Variants in STX8 observed in about 807,000 individuals in gnomAD.
The protein encoded by STX8 is syntaxin-8.
Under a neutral mutation model 37.5 loss-of-function variants are expected in STX8, and 23 were observed. The observed-to-expected ratio is 0.61, with a 90% CI of 0.44 to 0.87. STX8 has a LOEUF of 0.87. STX8 is among the 40% of genes least tolerant of loss of function. STX8 has a pLI of 0.00. For missense variants in STX8, 313 were observed against 284.7 expected, an observed-to-expected ratio of 1.10 and a Z score of -0.71; for synonymous variants, 115 against 99.1, an observed-to-expected ratio of 1.16 and a Z score of -0.95.
chr17:9,339,803 C>T (rs1384252638), intron 7 of STX8, among the ~76,000 whole-genome samples: 1 of 152,150 alleles, frequency 6.6e-6, no homozygotes, highest in Non-Finnish European at 1.5e-5. Context: ...TCAAACTTTC[C>T]CACAGAATTG....
At chr17:9,402,959 C>T (rs984917802) in intron 6 of STX8, among the ~76,000 whole-genome samples, 2 of 152,196 alleles carry the variant, frequency 1.3e-5, no homozygotes, top group Non-Finnish European at 2.9e-5. Flanking sequence ...CAGAGCTTCA[C>T]GAATTCATAG....
At chr17:9,443,587 T>C (rs1904738602) in intron 6 of STX8, among the ~76,000 whole-genome samples, 1 of 152,114 alleles carries the variant, frequency 6.6e-6, no homozygotes, top group South Asian at 2.1e-4. Flanking sequence ...AGCCACTCCC[T>C]TGAGCCACAG....
chr17:9,492,030 A>ATTGGGAATGAATTGGATG, intron 5 of STX8, 109 bp from the exon 6 acceptor site: 1 of 690,630 alleles, frequency 1.4e-6, no homozygotes. Context: ...CAGTCAGGAA[A>ATTGGGAATGAATTGGATG]AAAAAGAGAA....
chr17:9,310,671 C>T (rs1192903339), intron 7 of STX8, among the ~76,000 whole-genome samples: 2 of 151,918 alleles, frequency 1.3e-5, no homozygotes, highest in African/African-American at 4.8e-5. Context: ...GGGTGGTCCA[C>T]GGAGATCTGT....
chr17:9,323,674 T>G (rs1353941154), intron 7 of STX8, among the ~76,000 whole-genome samples: 6 of 151,254 alleles, frequency 4.0e-5, no homozygotes, highest in Non-Finnish European at 7.4e-5. Context: ...GGAGAAAAAA[T>G]GAAGAGAAGA....
chr17:9,543,848 G>C (rs562315218), intron 4 of STX8, among the ~76,000 whole-genome samples: 1 of 152,172 alleles, frequency 6.6e-6, no homozygotes, highest in East Asian at 1.9e-4. Flanking sequence ...CTTCACAGAA[G>C]CAACTTAACA....
At chr17:9,499,088 C>G (rs1026669064) in intron 5 of STX8, among the ~76,000 whole-genome samples, 1 of 152,328 alleles carries the variant, frequency 6.6e-6, no homozygotes, top group African/African-American at 2.4e-5. Context: ...AAGGCATTCC[C>G]TGCCCTTCAG....
intron 6 of STX8, chr17:9,467,426 C>T (rs1905663382): frequency 1.3e-5 from 2 of 152,202 alleles, no homozygotes; most frequent in African/African-American, 4.8e-5. Context: ...CCAGTCTCCC[C>T]TGGGTTAAGG....
At chr17:9,524,563 T>G (rs974029062) in intron 4 of STX8, among the ~76,000 whole-genome samples, 1 of 152,132 alleles carries the variant, frequency 6.6e-6, no homozygotes, top group Admixed American at 6.5e-5. Flanking sequence ...TTCTAACATA[T>G]GAATCTTGGG....
intron 1 of STX8, among the ~76,000 whole-genome samples, chr17:9,572,449 GC>G (rs1907721429): frequency 6.6e-6 from 1 of 152,072 alleles, no homozygotes; most frequent in South Asian, 2.1e-4. Flanking sequence ...TCGCTCTGTC[GC>G]CCAGGCTGAA....
intron 4 of STX8, among the ~76,000 whole-genome samples, chr17:9,510,365 C>A (rs1904985009): frequency 6.6e-6 from 1 of 152,070 alleles, no homozygotes; most frequent in African/African-American, 2.4e-5. Flanking sequence ...ATGGACTGAC[C>A]ATATGTTAGG....
chr17:9,537,424 T>C (rs1372507673), intron 4 of STX8, among the ~76,000 whole-genome samples: 4 of 152,218 alleles, frequency 2.6e-5, no homozygotes, highest in African/African-American at 4.8e-5. Context: ...ACGCACGCCT[T>C]GTGTCATGAG....
rs907304531 is a variant in STX8, at chr17:9,468,194, C to T, written c.541+23635G>A. On this transcript the variant is annotated intron_variant, in intron 6 of 7. Coordinates refer to ENST00000306357, the MANE Select transcript of STX8 (RefSeq NM_004853.3). The stretch of plus-strand genomic sequence containing the variant: ...GCACCATCTCGGCTCACTGCAACCT[C>T]TGCCTCACGGGTTCAAGCAATTCTC... Among the ~76,000 whole-genome samples the T allele has an allele frequency of 3.3e-5, 5 of 152,246 alleles. No homozygotes were observed. In the East Asian group the frequency reaches 9.7e-4, roughly 29 times the overall value.
chr17:9,435,611 T>C (rs1230855300), intron 6 of STX8, among the ~76,000 whole-genome samples: 1 of 152,118 alleles, frequency 6.6e-6, no homozygotes, highest in Non-Finnish European at 1.5e-5. Flanking sequence ...ATAGAAGATA[T>C]ATGTGGAATT....
intron 6 of STX8, chr17:9,470,156 ATGCT>A (rs753586624): frequency 6.6e-6 from 1 of 152,232 alleles, no homozygotes; most frequent in Non-Finnish European, 1.5e-5. Context: ...TGCATTCAAA[ATGCT>A]TTCTCAAAGA....
chr17:9,341,697 A>T (rs1171165375), intron 7 of STX8, among the ~76,000 whole-genome samples: 1 of 152,100 alleles, frequency 6.6e-6, no homozygotes, highest in Non-Finnish European at 1.5e-5. Flanking sequence ...TCGGCCTCCT[A>T]AAGTGCTGGG....
intron 7 of STX8, among the ~76,000 whole-genome samples, chr17:9,335,726 G>A (rs988726445): frequency 1.3e-5 from 2 of 151,786 alleles, no homozygotes; most frequent in African/African-American, 4.8e-5. Flanking sequence ...GATAATATAT[G>A]AGCTAGATCT....
intron 7 of STX8, among the ~76,000 whole-genome samples, chr17:9,353,755 ATTC>A (rs1478110481): frequency 6.6e-6 from 1 of 152,208 alleles, no homozygotes; most frequent in African/African-American, 2.4e-5. Flanking sequence ...AGTCACTTAC[ATTC>A]TTCTTTACTG....
intron 6 of STX8, among the ~76,000 whole-genome samples, chr17:9,435,756 C>T (rs1904409431): frequency 6.6e-6 from 1 of 152,094 alleles, no homozygotes. Flanking sequence ...AGCATCAAAT[C>T]GTGTCACAAG....
Sources: gnomAD v4.1 joint callset for allele counts (sites outside exome capture counted in the v4.1 genomes callset) on GRCh38, gnomAD v4.1.1 for gene constraint, MANE v1.5 for transcripts, NCBI Gene and HGNC (gene_info 2026-07-23, HGNC 2026-07-21) for gene names.